The following MTNR1B variants were observed in gnomAD, a reference collection of about 807,000 sequenced individuals.
The protein encoded by MTNR1B is melatonin receptor type 1B.
A neutral mutation model predicts 7.0 loss-of-function variants in MTNR1B; 7 were observed. That is an observed-to-expected ratio of 1.00 (90% CI 0.57 to 1.88). MTNR1B has a LOEUF of 1.88. Among genes scored for constraint, MTNR1B ranks in the 40% most tolerant of loss-of-function variants. MTNR1B has a pLI of 0.00. For synonymous variants in MTNR1B, 226 were observed against 208.2 expected (o/e 1.09, Z -0.74); for missense variants, 478 against 486.5 (o/e 0.98, Z 0.16).
At position 92,982,583 on chromosome 11, in the gene MTNR1B, A is replaced by C; in HGVS notation, c.*271A>C. 1 of 469,002 alleles carries C rather than the reference A, an allele frequency of 2.1e-6. No homozygotes were observed. 29.1% of individuals were successfully genotyped at this position (469,002 alleles called of 1,614,324 possible). On this transcript the variant is annotated 3_prime_UTR_variant, in exon 2 of 2. Coordinates refer to ENST00000257068, the MANE Select transcript of MTNR1B (RefSeq NM_005959.5). ...CACACAAGACCAAGGAAAGGACAGA[A>C]TGAGGAAAGGCCTGGGGCAGAAGAG... is the stretch of plus-strand genomic sequence containing the variant.
intron 1 of MTNR1B, among the ~76,000 whole-genome samples, chr11:92,974,079 C>G (rs1238463038): frequency 6.6e-6 from 1 of 152,216 alleles, no homozygotes; most frequent in Non-Finnish European, 1.5e-5. Context: ...TAAAGTTGCT[C>G]AGCAGTTTCC....
chr11:92,975,371 G>A lies in MTNR1B; in HGVS notation c.223+5423G>A, dbSNP rs561319914. ...GCACGAATTGGCATTTCTGGGGTAC[G>A]TTGATGATTGGTAAAGCAGAAATAT... On this transcript the variant is annotated intron_variant, in intron 1 of 1. Transcript: ENST00000257068. 6.6e-5 allele frequency among the ~76,000 whole-genome samples: 10 copies of A among 152,300 alleles called. No homozygotes were observed. The East Asian group carries it at 1.4e-3, about 21-fold the overall frequency.
At chr11:92,973,023 C>T (rs574490951) in intron 1 of MTNR1B, among the ~76,000 whole-genome samples, 2 of 152,186 alleles carry the variant, frequency 1.3e-5, no homozygotes, top group South Asian at 4.2e-4. Context: ...TTCCTCAGTC[C>T]TCTGGGCGCC....
intron 1 of MTNR1B, among the ~76,000 whole-genome samples, chr11:92,970,214 G>A (rs1041529106): frequency 2.0e-5 from 3 of 152,210 alleles, no homozygotes; most frequent in Non-Finnish European, 4.4e-5. Flanking sequence ...GGGCGCCGGC[G>A]CTGTGGGAAC....
chr11:92,972,585 T>C (rs1565178462), intron 1 of MTNR1B: 1 of 455,234 alleles, frequency 2.2e-6, no homozygotes, highest in East Asian at 7.0e-5. Context: ...CCGACCCAAC[T>C]TAAAAGGTAA....
chr11:92,979,849 A>T (rs1485203866), intron 1 of MTNR1B, among the ~76,000 whole-genome samples: 2 of 152,146 alleles, frequency 1.3e-5, no homozygotes, highest in Non-Finnish European at 2.9e-5. Context: ...TGCTATGGGG[A>T]ATCTTCTTTG....
In MTNR1B at chr11:92,981,799, C is replaced by T; in HGVS notation, c.576C>T (p.Phe192=). Residue 192 remains phenylalanine, a synonymous_variant, in exon 2 of 2, where the codon TTC becomes TTT. Transcript: ENST00000257068. ...ACCCACGCATCTATTCCTGCACCTT[C>T]ATCCAGACCGCCAGCACCCAGTACA... ...EYDPRIYSCT[F]IQTASTQYTA... is the part of the protein sequence containing the mutation. 6.2e-7 allele frequency: 1 copy of T among 1,614,224 alleles called. No homozygotes were observed. The highest frequency in any genetic ancestry group is 1.3e-5 in the African/African-American group (1 of 75,056).
In MTNR1B at chr11:92,982,673, T is replaced by TC. The variant is rs1858132154; in HGVS notation, c.*367dup. Reference sequence around the variant, plus strand: ...TGGCCTCCTGGCTGCTTTCTCCCCTTCCCCCCAGCGTGGCAGGATCTCTTC... The same window carrying TC: ...TGGCCTCCTGGCTGCTTTCTCCCCTTCCCCCCCAGCGTGGCAGGATCTCTTC... On this transcript the variant is annotated 3_prime_UTR_variant, in exon 2 of 2. Coordinates refer to ENST00000257068, the MANE Select transcript of MTNR1B (RefSeq NM_005959.5). 13 of 272,912 alleles carry TC rather than the reference T, an allele frequency of 4.8e-5. No individual in the cohort carries two copies. The highest frequency in any genetic ancestry group is 1.5e-4 in the East Asian group (2 of 13,560). 16.9% of individuals were successfully genotyped at this position (272,912 alleles called of 1,614,324 possible).
intron 1 of MTNR1B, among the ~76,000 whole-genome samples, chr11:92,979,318 G>T (rs942409387): frequency 2.0e-5 from 3 of 152,178 alleles, no homozygotes; most frequent in Non-Finnish European, 4.4e-5. Flanking sequence ...ACCAAGTGAG[G>T]TCTGTGTAGA....
rs754914917 is a variant in MTNR1B, at chr11:92,981,718, G to C, written c.495G>C (p.Trp165Cys). Residue 165 changes from tryptophan to cysteine, a missense_variant, in exon 2 of 2, where the codon TGG becomes TGC. Coordinates refer to ENST00000257068, the MANE Select transcript of MTNR1B (RefSeq NM_005959.5). The stretch of plus-strand genomic sequence containing the variant: ...CCCCTCTGCACATCTGCCTCATCTG[G>C]CTCCTCACCGTGGTGGCCTTGCTGC... ...WHTPLHICLIWLLTVVALLPN... is the reference protein window; with the variant it reads ...WHTPLHICLICLLTVVALLPN... 3 of 1,614,086 alleles carry C rather than the reference G, an allele frequency of 1.9e-6. No homozygotes were observed. Among genetic ancestry groups the C allele is most frequent in the South Asian group, 2.2e-5 (2 of 91,082 alleles).
chr11:92,972,299 T>C (rs1424505599), intron 1 of MTNR1B, among the ~76,000 whole-genome samples: 1 of 152,200 alleles, frequency 6.6e-6, no homozygotes, highest in Non-Finnish European at 1.5e-5. Flanking sequence ...CCAAGATACA[T>C]AGCCCATATT....
intron 1 of MTNR1B, chr11:92,972,429 A>T (rs1857944664): frequency 2.2e-6 from 1 of 455,986 alleles, no homozygotes; most frequent in Non-Finnish European, 4.4e-6. Context: ...TGGCAGGGTG[A>T]GTGGTTAGAT....
chr11:92,975,137 C>T (rs990620553), intron 1 of MTNR1B, among the ~76,000 whole-genome samples: 1 of 152,146 alleles, frequency 6.6e-6, no homozygotes, highest in African/African-American at 2.4e-5. Flanking sequence ...AATATGCTGG[C>T]CATATAAGAG....
intron 1 of MTNR1B, among the ~76,000 whole-genome samples, chr11:92,974,002 C>A (rs1857972170): frequency 6.6e-6 from 1 of 152,212 alleles, no homozygotes; most frequent in African/African-American, 2.4e-5. Context: ...AAGTATATCT[C>A]ATGTTAAGCT....
Position 92,981,926 on chromosome 11 carries a change from A to C in MTNR1B, c.703A>C (p.Lys235Gln), listed in dbSNP as rs188363860. ...VLVLQARRKA[K>Q]PESRLCLKPS... Reference sequence around the variant, plus strand: ...GGTGCTTCAGGCCCGCAGGAAAGCCAAGCCAGAGAGCAGGCTGTGCCTGAA... The same window carrying C: ...GGTGCTTCAGGCCCGCAGGAAAGCCCAGCCAGAGAGCAGGCTGTGCCTGAA... The change falls in exon 2 of 2, where the codon AAG becomes CAG. Residue 235 changes from lysine (K) to glutamine (Q), a missense_variant. Transcript: ENST00000257068. The C allele has an allele frequency of 5.0e-6, 8 of 1,614,196 alleles. No homozygotes were observed. In the East Asian group the frequency reaches 1.6e-4, roughly 31 times the overall value.
intron 1 of MTNR1B, among the ~76,000 whole-genome samples, chr11:92,975,195 A>G (rs1040172375): frequency 3.9e-5 from 6 of 152,208 alleles, no homozygotes; most frequent in Non-Finnish European, 8.8e-5. Context: ...ACTCTCCACT[A>G]TCAGAGAGGA....
At position 92,982,684 on chromosome 11, in the gene MTNR1B, T is replaced by C. The variant is rs899703722; in HGVS notation, c.*372T>C. 2.0e-5 allele frequency: 5 copies of C among 248,986 alleles called. No individual in the cohort carries two copies. Among genetic ancestry groups the C allele is most frequent in the South Asian group, 1.9e-4 (2 of 10,766 alleles). 15.4% of individuals were successfully genotyped at this position (248,986 alleles called of 1,614,324 possible). On this transcript the variant is annotated 3_prime_UTR_variant, in exon 2 of 2. Transcript: ENST00000257068. ...CTGCTTTCTCCCCTTCCCCCCAGCG[T>C]GGCAGGATCTCTTCCTGTTAGCAAG... is the stretch of plus-strand genomic sequence containing the variant.
In MTNR1B at chr11:92,982,161, A is replaced by G. The variant is rs201084963; in HGVS notation, c.938A>G (p.Gln313Arg). The change falls in exon 2 of 2, where the codon CAA becomes CGA. Residue 313 changes from glutamine (Q) to arginine (R), a missense_variant. Transcript: ENST00000257068. ...LNAIVYGLLNQNFRREYKRIL... is the reference protein window; with the variant it reads ...LNAIVYGLLNRNFRREYKRIL... Reference sequence around the variant, plus strand: ...GCCATTGTCTATGGGCTCTTGAACCAAAACTTCCGCAGGGAATACAAGAGG... The same window carrying G: ...GCCATTGTCTATGGGCTCTTGAACCGAAACTTCCGCAGGGAATACAAGAGG... The G allele has an allele frequency of 3.4e-5, 55 of 1,614,098 alleles. No individual in the cohort carries two copies. The highest frequency in any genetic ancestry group is 1.0e-4 in the Admixed American group (6 of 60,010).
chr11:92,974,489 G>A (rs1180416386), intron 1 of MTNR1B, among the ~76,000 whole-genome samples: 1 of 152,106 alleles, frequency 6.6e-6, no homozygotes, highest in East Asian at 1.9e-4. Flanking sequence ...GTGAGACAGA[G>A]TTTCACTCTT....
Sources: gnomAD v4.1 joint callset for allele counts (sites outside exome capture counted in the v4.1 genomes callset) on GRCh38, gnomAD v4.1.1 for gene constraint, MANE v1.5 for transcripts, NCBI Gene and HGNC (gene_info 2026-07-23, HGNC 2026-07-21) for gene names.